Variants in KCNIP4 observed in about 807,000 individuals in gnomAD.
The protein encoded by KCNIP4 is potassium voltage-gated channel interacting protein 4, also known as Kv channel-interacting protein 4.
In KCNIP4, 12 loss-of-function variants were observed where a neutral mutation model predicts 34.0. That is an observed-to-expected ratio of 0.35 (90% confidence interval 0.23 to 0.57). The LOEUF (loss-of-function observed/expected upper bound fraction) is 0.57, where lower values mean the gene tolerates loss of function less well. KCNIP4 is among the 20% of genes least tolerant of loss of function. The pLI is 0.83. For synonymous variants in KCNIP4, 124 were observed against 102.2 expected (o/e 1.21, Z -1.29); for missense variants, 238 against 311.7 (o/e 0.76, Z 1.78).
intron 1 of KCNIP4, among the ~76,000 whole-genome samples, chr4:21,785,137 C>A (rs981021196): frequency 1.1e-4 from 17 of 152,144 alleles, no homozygotes; most frequent in Non-Finnish European, 2.4e-4. Context: ...ATCACTCAGA[C>A]CTCATCCCCC....
At chr4:21,056,195 T>A (rs1433648425) in intron 1 of KCNIP4, among the ~76,000 whole-genome samples, 1 of 152,170 alleles carries the variant, frequency 6.6e-6, no homozygotes, top group African/African-American at 2.4e-5. Context: ...TTTGCATACT[T>A]TCATCTATAG....
At chr4:21,669,182 T>C (rs1749270229) in intron 1 of KCNIP4, among the ~76,000 whole-genome samples, 1 of 142,128 alleles carries the variant, frequency 7.0e-6, no homozygotes, top group Non-Finnish European at 1.5e-5. Flanking sequence ...CTGGAGTGCA[T>C]TGTTGCAAAC....
At chr4:20,976,867 CTT>C (rs1735542997) in intron 1 of KCNIP4, among the ~76,000 whole-genome samples, 1 of 152,018 alleles carries the variant, frequency 6.6e-6, no homozygotes, top group South Asian at 2.1e-4. Context: ...GAGTTTTGCT[CTT>C]GTTGCCCAGG....
chr4:21,654,009 A>G (rs1048153033), intron 1 of KCNIP4, among the ~76,000 whole-genome samples: 2 of 152,210 alleles, frequency 1.3e-5, no homozygotes, highest in Non-Finnish European at 2.9e-5. Flanking sequence ...ATTTCAACAA[A>G]CAAATCTCTT....
intron 3 of KCNIP4, among the ~76,000 whole-genome samples, chr4:20,812,801 C>A (rs1019572151): frequency 6.6e-6 from 1 of 151,996 alleles, no homozygotes; most frequent in African/African-American, 2.4e-5. Flanking sequence ...ATCTTGGAAC[C>A]ATGAGGTGCA....
At position 21,806,135 on chromosome 4, in the gene KCNIP4, T is replaced by C. The variant is rs546603801; in HGVS notation, c.61+142436A>G. ...GCTTAAATGTTACCAAAACATTATA[T>C]ACTCTGGACCTCTTCCAAACGAAGC... On this transcript the variant is annotated intron_variant, in intron 1 of 8. Coordinates refer to ENST00000382152, the MANE Select transcript of KCNIP4 (RefSeq NM_025221.6). Among the ~76,000 whole-genome samples the C allele has an allele frequency of 2.6e-5, 4 of 152,330 alleles. No individual in the cohort carries two copies. The East Asian group carries it at 7.7e-4, about 29-fold the overall frequency.
At chr4:21,757,161 A>C (rs1482464988) in intron 1 of KCNIP4, among the ~76,000 whole-genome samples, 1 of 29,652 alleles carries the variant, frequency 3.4e-5, no homozygotes, top group Non-Finnish European at 6.5e-5. Flanking sequence ...GAAAGAAAGA[A>C]AGAAAGAAGG....
chr4:21,356,715 C>G (rs1034749588), intron 1 of KCNIP4, among the ~76,000 whole-genome samples: 1 of 152,018 alleles, frequency 6.6e-6, no homozygotes, highest in African/African-American at 2.4e-5. Context: ...TAGGAAGAAT[C>G]AATATCGTGA....
chr4:21,509,445 C>G (rs890756299), intron 1 of KCNIP4, among the ~76,000 whole-genome samples: 1 of 152,138 alleles, frequency 6.6e-6, no homozygotes, highest in African/African-American at 2.4e-5. Flanking sequence ...AATTCCTTTG[C>G]TTGTTGGGAT....
chr4:20,792,378 C>A (rs1712885024), intron 3 of KCNIP4, among the ~76,000 whole-genome samples: 1 of 151,700 alleles, frequency 6.6e-6, no homozygotes, highest in African/African-American at 2.4e-5. Context: ...AAAACAAAAA[C>A]AAAACAAAAC....
intron 1 of KCNIP4, among the ~76,000 whole-genome samples, chr4:21,255,145 A>G (rs935804691): frequency 4.6e-5 from 7 of 151,996 alleles, no homozygotes; most frequent in Non-Finnish European, 7.4e-5. Flanking sequence ...TTGCCCAACT[A>G]TAGAGGGAGA....
chr4:21,184,937 T>C (rs994692673), intron 1 of KCNIP4, among the ~76,000 whole-genome samples: 2 of 152,154 alleles, frequency 1.3e-5, no homozygotes, highest in Admixed American at 1.3e-4. Flanking sequence ...AGGATGAGCA[T>C]TCCCAATTTC....
rs544843114 is a variant in KCNIP4 at position 21,879,548 on chromosome 4, T to A, written c.61+69023A>T. On this transcript the variant is annotated intron_variant, in intron 1 of 8. Coordinates refer to ENST00000382152, the MANE Select transcript of KCNIP4 (RefSeq NM_025221.6). The stretch of plus-strand genomic sequence containing the variant: ...TCAATAGATCGACTTCATCATTTTG[T>A]TCTGTTTTCCTGAATATAAAGTCAT... Among the ~76,000 whole-genome samples, 6 of 152,346 alleles carry A rather than the reference T, an allele frequency of 3.9e-5. No individual in the cohort carries two copies. In the East Asian group the frequency reaches 1.2e-3, roughly 29 times the overall value.
chr4:20,762,432 T>G (rs1355403099), intron 3 of KCNIP4, among the ~76,000 whole-genome samples: 1 of 152,206 alleles, frequency 6.6e-6, no homozygotes, highest in Admixed American at 6.5e-5. Flanking sequence ...AGAATGATGA[T>G]CTTTTATTTA....
At chr4:20,812,555 A>T (rs9998323) in intron 3 of KCNIP4, among the ~76,000 whole-genome samples, 1 of 151,974 alleles carries the variant, frequency 6.6e-6, no homozygotes, top group Non-Finnish European at 1.5e-5. Context: ...GCTTAGGGAA[A>T]GCTGGCCCCT....
intron 1 of KCNIP4, among the ~76,000 whole-genome samples, chr4:21,333,647 C>T (rs970004426): frequency 2.6e-5 from 4 of 151,766 alleles, no homozygotes; most frequent in African/African-American, 9.7e-5. Context: ...GTTTTTACCT[C>T]TTGCTGACAT....
intron 3 of KCNIP4, among the ~76,000 whole-genome samples, chr4:20,827,922 A>G (rs1717955560): frequency 6.9e-6 from 1 of 145,802 alleles, no homozygotes; most frequent in African/African-American, 2.5e-5. Flanking sequence ...GCTACTCTCT[A>G]TTAGGGTAAT....
intron 1 of KCNIP4, among the ~76,000 whole-genome samples, chr4:21,653,877 T>C (rs1162728059): frequency 6.6e-6 from 1 of 152,194 alleles, no homozygotes; most frequent in Non-Finnish European, 1.5e-5. Context: ...CTTGATGCTG[T>C]TATTTTTATT....
At chr4:21,310,484 ACTTC>A (rs1438445532) in intron 1 of KCNIP4, among the ~76,000 whole-genome samples, 2 of 152,070 alleles carry the variant, frequency 1.3e-5, no homozygotes, top group East Asian at 3.9e-4. Flanking sequence ...CCTGCCTTTA[ACTTC>A]CTTTGGCACT....
Sources: allele counts gnomAD v4.1 joint callset (sites outside exome capture counted in the v4.1 genomes callset), GRCh38; gene constraint gnomAD v4.1.1; transcripts MANE v1.5; gene names NCBI Gene and HGNC (gene_info 2026-07-23, HGNC 2026-07-21).